Variants in TENM2 observed in about 807,000 individuals in gnomAD.
TENM2 encodes the protein teneurin transmembrane protein 2.
TENM2 carries 52 observed loss-of-function variants against 245.2 expected under a neutral mutation model. The ratio of observed to expected loss-of-function variants is 0.21; its 90% CI spans 0.17 to 0.27. The LOEUF (loss-of-function observed/expected upper bound fraction) is 0.27, where lower values mean the gene tolerates loss of function less well. Among genes scored for constraint, TENM2 ranks in the 10% least tolerant of loss-of-function variants. TENM2 has a pLI of 1.00. For synonymous variants in TENM2, 1,363 were observed against 1,438.9 expected, an observed-to-expected ratio of 0.95 and a Z score of 1.19; for missense variants, 3,046 against 3,666.8, an observed-to-expected ratio of 0.83 and a Z score of 4.37.
At chr5:167,967,373 TAA>T (rs1251848017) in intron 4 of TENM2, among the ~76,000 whole-genome samples, 1 of 152,136 alleles carries the variant, frequency 6.6e-6, no homozygotes, top group Non-Finnish European at 1.5e-5. Flanking sequence ...AGAAAATAAA[TAA>T]AGTGTTGTGG....
rs76972036 is a variant in TENM2, at chr5:167,308,599, G to A, written c.226+23536G>A. On this transcript the variant is annotated intron_variant, in intron 1 of 28. Transcript: ENST00000518659. ...AAGAGTGCTGTGTTCCCCTCAGGCC[G>A]CACTGCCCAGCAGAGACAGCCTGTG... 2.9e-3 allele frequency among the ~76,000 whole-genome samples: 448 copies of A among 152,240 alleles called. 5 individuals are homozygous for A. Among genetic ancestry groups the A allele is most frequent in the Admixed American group, 5.4e-3 (83 of 15,292 alleles).
At chr5:167,392,005 A>AG (rs1380788221) in intron 2 of TENM2, among the ~76,000 whole-genome samples, 2 of 152,082 alleles carry the variant, frequency 1.3e-5, no homozygotes, top group Non-Finnish European at 2.9e-5. Flanking sequence ...GGTTTGCAGA[A>AG]GGTAGTTCTT....
intron 2 of TENM2, among the ~76,000 whole-genome samples, chr5:167,420,985 C>G (rs990967675): frequency 2.6e-5 from 4 of 152,076 alleles, no homozygotes; most frequent in African/African-American, 7.2e-5. Context: ...TTTTGAAGCA[C>G]AAGACTAAAC....
chr5:167,375,410 C>T (rs752353786), exon 2 of TENM2: 3 of 1,551,526 alleles, frequency 1.9e-6, no homozygotes, highest in South Asian at 2.4e-5. Flanking sequence ...CCTGTCCAGT[C>T]GTGAAAACTC....
chr5:167,199,475 T>G, the TENM2 span, among the ~76,000 whole-genome samples: 1 of 152,120 alleles, frequency 6.6e-6, no homozygotes, highest in Non-Finnish European at 1.5e-5. Context: ...AGAGGCTTTT[T>G]AATTCCACAT....
rs34273332 is a variant in TENM2, at chr5:168,018,398, C to CT, written c.1186+25225dup. Among the ~76,000 whole-genome samples the CT allele has an allele frequency of 1.5e-4, 20 of 131,932 alleles. No homozygotes were observed. In the East Asian group the frequency reaches 1.8e-3, roughly 12 times the overall value. The allele number at this position is 131,932 out of a possible 152,430, so 86.6% of individuals were successfully genotyped here. ...GAGCTCTTTTTTTTTTTTCCTCTTT[C>CT]TTTTTTTTTCATAAGGAAATAAGTA... On this transcript the variant is annotated intron_variant, in intron 5 of 28. Transcript: ENST00000518659.
At chr5:167,580,713 G>A (rs1775029695) in intron 2 of TENM2, among the ~76,000 whole-genome samples, 1 of 152,248 alleles carries the variant, frequency 6.6e-6, no homozygotes, top group Admixed American at 6.5e-5. Context: ...CTTGAGGCTG[G>A]GCTCAGTGGC....
chr5:167,770,067 A>G (rs373466237), intron 2 of TENM2, among the ~76,000 whole-genome samples: 4 of 152,166 alleles, frequency 2.6e-5, no homozygotes, highest in African/African-American at 9.7e-5. Flanking sequence ...TGCTCCAAGG[A>G]CCTAACACAT....
At chr5:167,772,833 T>G (rs1763492455) in intron 2 of TENM2, among the ~76,000 whole-genome samples, 1 of 152,222 alleles carries the variant, frequency 6.6e-6, no homozygotes, top group Non-Finnish European at 1.5e-5. Flanking sequence ...AGGTCTTTTA[T>G]TTTGGAAGTA....
chr5:167,244,351 G>C, the TENM2 span, among the ~76,000 whole-genome samples: 1 of 152,086 alleles, frequency 6.6e-6, no homozygotes. Context: ...CATTTAACAC[G>C]TGTTAACCTA....
chr5:167,839,553 C>CTGTGTG (rs748719441), intron 2 of TENM2, among the ~76,000 whole-genome samples: 2 of 148,558 alleles, frequency 1.3e-5, no homozygotes, highest in East Asian at 3.9e-4. Flanking sequence ...TGTGAGGTGT[C>CTGTGTG]TGTGTGTGTG....
At chr5:167,777,554 C>G (rs1050799086) in intron 2 of TENM2, among the ~76,000 whole-genome samples, 3 of 152,100 alleles carry the variant, frequency 2.0e-5, no homozygotes, top group Non-Finnish European at 4.4e-5. Flanking sequence ...AGCCCTGGCA[C>G]GTTTTACATG....
the TENM2 span, among the ~76,000 whole-genome samples, chr5:167,239,605 C>G: frequency 6.6e-6 from 1 of 152,256 alleles, no homozygotes; most frequent in South Asian, 2.1e-4. Flanking sequence ...AGACTTCCTC[C>G]CCCACTAGTA....
the TENM2 span, among the ~76,000 whole-genome samples, chr5:167,063,154 T>C: frequency 6.6e-6 from 1 of 152,082 alleles, no homozygotes; most frequent in Admixed American, 6.6e-5. Context: ...TCTTTTGCCC[T>C]CATGTTGGGC....
intron 1 of TENM2, among the ~76,000 whole-genome samples, chr5:167,302,032 G>T (rs1401340729): frequency 6.6e-6 from 1 of 152,120 alleles, no homozygotes; most frequent in Non-Finnish European, 1.5e-5. Flanking sequence ...TTGGGGTTGG[G>T]ACTGAGGGGA....
At chr5:168,032,458 G>A (rs535399356) in intron 5 of TENM2, among the ~76,000 whole-genome samples, 1 of 152,274 alleles carries the variant, frequency 6.6e-6, no homozygotes, top group Non-Finnish European at 1.5e-5. Flanking sequence ...TCTAGGGCTG[G>A]GAGAAAGGCA....
chr5:168,064,269 T>C (rs759427595), intron 7 of TENM2, among the ~76,000 whole-genome samples: 16 of 152,130 alleles, frequency 1.1e-4, no homozygotes, highest in Non-Finnish European at 2.4e-4. Context: ...TTTACAGTAG[T>C]GAAATCCACT....
the TENM2 span, among the ~76,000 whole-genome samples, chr5:167,235,606 G>C: frequency 2.6e-5 from 4 of 152,132 alleles, no homozygotes; most frequent in Admixed American, 2.6e-4. Context: ...CCATCTGTCT[G>C]TTCTACTTTT....
chr5:167,720,801 G>A (rs1759574963), intron 2 of TENM2, among the ~76,000 whole-genome samples: 1 of 152,172 alleles, frequency 6.6e-6, no homozygotes, highest in South Asian at 2.1e-4. Context: ...CCCAGAGGAA[G>A]GAAGGGGACA....
Sources: gnomAD v4.1 joint callset for allele counts (sites outside exome capture counted in the v4.1 genomes callset) on GRCh38, gnomAD v4.1.1 for gene constraint, MANE v1.5 for transcripts, NCBI Gene and HGNC (gene_info 2026-07-23, HGNC 2026-07-21) for gene names.